CUBN: variants seen among roughly 807,000 people sequenced by gnomAD.
CUBN encodes cubilin.
Under a neutral mutation model 405.3 loss-of-function variants are expected in CUBN, and 282 were observed. That is an observed-to-expected ratio of 0.70 (90% CI 0.63 to 0.77). The LOEUF (loss-of-function observed/expected upper bound fraction) is 0.77, where lower values mean the gene tolerates loss of function less well. Ranked by LOEUF, CUBN falls within the 30% of genes least tolerant of loss-of-function variation. The probability of loss-of-function intolerance (pLI) is 0.00; values close to 1 mark genes in which losing one functional copy is unlikely to be tolerated. For synonymous variants in CUBN, 1,684 were observed against 1,617.0 expected, an observed-to-expected ratio of 1.04 and a Z score of -0.99; for missense variants, 4,514 against 4,475.2, an observed-to-expected ratio of 1.01 and a Z score of -0.25.
rs754739663 is a variant in CUBN, at chr10:17,067,982, C to T, written c.3008+82G>A. The T allele has an allele frequency of 1.2e-4, 128 of 1,101,938 alleles. 1 individual carries two copies. The highest frequency in any genetic ancestry group is 5.9e-5 in the Non-Finnish European group (43 of 727,228). The allele number at this position is 1,101,938 out of a possible 1,614,324, so 68.3% of individuals were successfully genotyped here. A position where few individuals can be genotyped will look rare whatever the true frequency, so the allele number is the denominator to read the frequency against. On this transcript the variant is annotated intron_variant, in intron 21 of 66. Coordinates refer to ENST00000377833, the MANE Select transcript of CUBN (RefSeq NM_001081.4). The stretch of plus-strand genomic sequence containing the variant: ...ATCTCACCTGGTTTTCATAACACAA[C>T]GTGGTCAATTTTAAGATCCTTCACT...
At chr10:17,120,420 C>T (rs1837010242) in intron 6 of CUBN, among the ~76,000 whole-genome samples, 1 of 152,188 alleles carries the variant, frequency 6.6e-6, no homozygotes, top group South Asian at 2.1e-4. Flanking sequence ...GATTTAAATG[C>T]TCTGTTCTCT....
intron 43 of CUBN, among the ~76,000 whole-genome samples, chr10:16,920,458 G>A (rs1016444862): frequency 2.6e-5 from 4 of 152,146 alleles, no homozygotes; most frequent in Non-Finnish European, 5.9e-5. Context: ...CCACCACTTC[G>A]ATAAGCATGT....
chr10:17,049,107 A>AG (rs1196272170), intron 22 of CUBN, among the ~76,000 whole-genome samples: 1 of 152,234 alleles, frequency 6.6e-6, no homozygotes, highest in Admixed American at 6.5e-5. Flanking sequence ...GTGGAAAGGA[A>AG]GGTAGAGAGG....
chr10:17,006,949 C>T (rs1294631528), intron 28 of CUBN, among the ~76,000 whole-genome samples: 1 of 152,282 alleles, frequency 6.6e-6, no homozygotes, highest in Non-Finnish European at 1.5e-5. Flanking sequence ...TGATCACATG[C>T]CCCTTAGCCC....
At chr10:17,125,942 C>T (rs942410507) in intron 4 of CUBN, among the ~76,000 whole-genome samples, 8 of 152,146 alleles carry the variant, frequency 5.3e-5, no homozygotes, top group African/African-American at 1.7e-4. Flanking sequence ...CATCAAATGA[C>T]AAAAAGGTTT....
intron 31 of CUBN, among the ~76,000 whole-genome samples, chr10:16,969,179 G>T (rs899099283): frequency 5.3e-5 from 8 of 152,146 alleles, no homozygotes; most frequent in African/African-American, 1.9e-4. Context: ...CATTCCCAAT[G>T]GTGTCCTCTG....
chr10:17,030,045 C>T (rs1834755874), intron 27 of CUBN, among the ~76,000 whole-genome samples: 1 of 152,190 alleles, frequency 6.6e-6, no homozygotes. Context: ...TTGTGAACTG[C>T]ACACGCGAGG....
chr10:17,018,364 G>A (rs1391831458), intron 28 of CUBN, among the ~76,000 whole-genome samples: 7 of 152,028 alleles, frequency 4.6e-5, no homozygotes, highest in African/African-American at 7.2e-5. Flanking sequence ...ATGAAGCTGC[G>A]GACCCTCGTG....
chr10:16,917,077 G>C (rs1841904789), intron 45 of CUBN, among the ~76,000 whole-genome samples: 1 of 151,934 alleles, frequency 6.6e-6, no homozygotes, highest in Non-Finnish European at 1.5e-5. Flanking sequence ...CTCCCAAAGT[G>C]CTAGGATTAC....
intron 29 of CUBN, among the ~76,000 whole-genome samples, chr10:16,989,578 A>AAT (rs201347937): frequency 2.0e-4 from 25 of 128,122 alleles, no homozygotes; most frequent in Non-Finnish European, 2.6e-4. Context: ...ATATATTTAA[A>AAT]ATATATATAT....
chr10:17,052,043 T>G (rs978498343), intron 22 of CUBN, among the ~76,000 whole-genome samples: 3 of 147,012 alleles, frequency 2.0e-5, no homozygotes, highest in Non-Finnish European at 3.0e-5. Context: ...CAGAAGCCAG[T>G]TGGGGCGGGG....
intron 54 of CUBN, among the ~76,000 whole-genome samples, chr10:16,897,562 G>T (rs1035662187): frequency 2.6e-5 from 4 of 152,112 alleles, no homozygotes; most frequent in African/African-American, 4.8e-5. Flanking sequence ...CTGGCCTGTG[G>T]GGACAAAGAG....
chr10:16,833,058 C>G (rs773441673), intron 64 of CUBN, among the ~76,000 whole-genome samples: 10 of 152,178 alleles, frequency 6.6e-5, no homozygotes, highest in Non-Finnish European at 1.2e-4. Context: ...CTCTCCACGG[C>G]TGGAAAGCAA....
At chr10:17,112,673 T>C (rs1836797789) in intron 8 of CUBN, among the ~76,000 whole-genome samples, 1 of 152,058 alleles carries the variant, frequency 6.6e-6, no homozygotes, top group South Asian at 2.1e-4. Flanking sequence ...TTTTTCCATT[T>C]CTTTCCAGTT....
At chr10:17,079,639 T>C (rs1346040860) in intron 17 of CUBN, among the ~76,000 whole-genome samples, 1 of 152,194 alleles carries the variant, frequency 6.6e-6, no homozygotes, top group Non-Finnish European at 1.5e-5. Flanking sequence ...TGTACTTAAC[T>C]GAAAAACACA....
At chr10:16,904,193 A>G in intron 50 of CUBN, 78 bp from the exon 51 acceptor site, 1 of 1,323,902 alleles carries the variant, frequency 7.6e-7, no homozygotes, top group Non-Finnish European at 1.1e-6. Context: ...ATAAAAACAA[A>G]TTTCAAGATA....
intron 28 of CUBN, among the ~76,000 whole-genome samples, chr10:16,990,871 A>G (rs1446078886): frequency 6.6e-6 from 1 of 152,198 alleles, no homozygotes; most frequent in Non-Finnish European, 1.5e-5. Flanking sequence ...CGGAAGTACA[A>G]TGGACCGTGT....
chr10:17,124,789 C>G (rs796725672), intron 4 of CUBN, among the ~76,000 whole-genome samples: 32 of 150,006 alleles, frequency 2.1e-4, no homozygotes, highest in African/African-American at 7.8e-4. Context: ...ATGAATTTCA[C>G]TCATAGTCCA....
Position 16,915,925 on chromosome 10 carries a change from C to A in CUBN, c.7106G>T (p.Gly2369Val), listed in dbSNP as rs200593316. The change falls in exon 46 of 67, where the codon GGG (glycine) becomes GTG (valine). Residue 2369 changes from glycine (G) to valine (V), a missense_variant. Gly to Val is a moderately radical substitution (Grantham distance 109). Transcript: ENST00000377833. Reference sequence around the variant, plus strand: ...GATGGTGAGATAGTGTCCAGAGAGCCCCTGGAGATGCCACTCACAGAATAA... The same window carrying A: ...GATGGTGAGATAGTGTCCAGAGAGCACCTGGAGATGCCACTCACAGAATAA... ...DNLFCEWHLQ[G>V]LSGHYLTISF... is the part of the protein sequence containing the mutation. 3.3e-5 allele frequency: 53 copies of A among 1,613,982 alleles called. No homozygotes were observed. The East Asian group carries it at 1.1e-3, about 35-fold the overall frequency.
Sources: allele counts gnomAD v4.1 joint callset (sites outside exome capture counted in the v4.1 genomes callset), GRCh38; gene constraint gnomAD v4.1.1; transcripts MANE v1.5; gene names NCBI Gene and HGNC (gene_info 2026-07-23, HGNC 2026-07-21).